The following GRM7 variants were observed in gnomAD, a reference collection of about 807,000 sequenced individuals.
GRM7 encodes metabotropic glutamate receptor 7.
In GRM7, 35 loss-of-function variants were observed where a neutral mutation model predicts 84.5. The observed-to-expected ratio is 0.41, with a 90% CI of 0.32 to 0.55. The LOEUF (loss-of-function observed/expected upper bound fraction) is 0.55. Ranked by LOEUF, GRM7 falls within the 20% of genes least tolerant of loss-of-function variation. GRM7 has a pLI of 0.19. For missense variants in GRM7, 1,003 were observed against 1,194.6 expected (o/e 0.84, Z 2.36); for synonymous variants, 487 against 455.1 (o/e 1.07, Z -0.89).
At chr3:6,903,691 C>T (rs971872975) in intron 1 of GRM7, among the ~76,000 whole-genome samples, 6 of 152,118 alleles carry the variant, frequency 3.9e-5, no homozygotes, top group East Asian at 1.9e-4. Context: ...AAGTTGTATA[C>T]GTACTTTAAT....
chr3:7,562,812 A>G (rs1694087213), intron 7 of GRM7, among the ~76,000 whole-genome samples: 1 of 152,132 alleles, frequency 6.6e-6, no homozygotes, highest in Non-Finnish European at 1.5e-5. Flanking sequence ...CAGTACACTA[A>G]TACGCATCCT....
chr3:7,048,977 C>CA (rs1696894916), intron 1 of GRM7, among the ~76,000 whole-genome samples: 1 of 151,900 alleles, frequency 6.6e-6, no homozygotes, highest in South Asian at 2.1e-4. Context: ...AAAAATAAAG[C>CA]ATTTCTAGAA....
intron 2 of GRM7, among the ~76,000 whole-genome samples, chr3:7,192,719 CT>C (rs780774792): frequency 7.9e-5 from 12 of 152,058 alleles, no homozygotes; most frequent in Non-Finnish European, 1.2e-4. Flanking sequence ...TCTCCTTTAA[CT>C]TAGAATATTC....
intron 7 of GRM7, among the ~76,000 whole-genome samples, chr3:7,544,133 G>A (rs540928749): frequency 8.5e-5 from 13 of 152,302 alleles, no homozygotes; most frequent in Non-Finnish European, 1.9e-4. Flanking sequence ...ACGCTTAGGC[G>A]TAAATCATGT....
intron 9 of GRM7, among the ~76,000 whole-genome samples, chr3:7,722,095 C>A (rs1373160766): frequency 6.6e-6 from 1 of 152,192 alleles, no homozygotes; most frequent in Non-Finnish European, 1.5e-5. Context: ...TGTCAAAAAA[C>A]CAAACAACGA....
intron 7 of GRM7, among the ~76,000 whole-genome samples, chr3:7,573,864 T>A (rs1279525407): frequency 6.6e-6 from 1 of 152,208 alleles, no homozygotes; most frequent in African/African-American, 2.4e-5. Context: ...TTGGTGAATT[T>A]TTCTGACACA....
chr3:7,098,984 A>C (rs1261580978), intron 1 of GRM7, among the ~76,000 whole-genome samples: 1 of 151,784 alleles, frequency 6.6e-6, no homozygotes, highest in Non-Finnish European at 1.5e-5. Context: ...TTCAGTACTT[A>C]TGAAGTTTTA....
intron 8 of GRM7, among the ~76,000 whole-genome samples, chr3:7,612,026 T>G (rs188997025): frequency 6.6e-6 from 1 of 152,180 alleles, no homozygotes. Context: ...TCCTTTAACC[T>G]CTCAGATTTC....
chr3:7,443,480 T>C (rs1383883976), intron 5 of GRM7, among the ~76,000 whole-genome samples: 1 of 152,150 alleles, frequency 6.6e-6, no homozygotes, highest in African/African-American at 2.4e-5. Flanking sequence ...TTATTTGATA[T>C]GTTTCTCAAT....
In GRM7 at chr3:7,151,484, G is replaced by A. The variant is rs1694287232; in HGVS notation, c.736+4816G>A. On this transcript the variant is annotated intron_variant, in intron 2 of 9. Transcript: ENST00000357716. The surrounding 1 kb of genome is among the most constrained non-coding windows in gnomAD (Gnocchi z 4.5). ...TGGATTTTCCTACTATGGGATTTCA[G>A]AGCACTGTGTGCCTCTCTCCTTCAC... 6.6e-6 allele frequency among the ~76,000 whole-genome samples: 1 copy of A among 152,060 alleles called. No homozygotes were observed. The highest frequency in any genetic ancestry group is 6.6e-5 in the Admixed American group (1 of 15,262).
chr3:6,910,413 C>G (rs1481970515), intron 1 of GRM7, among the ~76,000 whole-genome samples: 1 of 152,120 alleles, frequency 6.6e-6, no homozygotes, highest in African/African-American at 2.4e-5. Flanking sequence ...ATGTCTCTTC[C>G]ATCTTGGAAT....
intron 8 of GRM7, among the ~76,000 whole-genome samples, chr3:7,655,716 G>A (rs1349783659): frequency 6.6e-6 from 1 of 152,058 alleles, no homozygotes; most frequent in Non-Finnish European, 1.5e-5. Flanking sequence ...AGACGCTGAG[G>A]GTTTCATAAC....
intron 2 of GRM7, among the ~76,000 whole-genome samples, chr3:7,250,592 T>G (rs1317950518): frequency 7.5e-6 from 1 of 132,902 alleles, no homozygotes; most frequent in Non-Finnish European, 1.6e-5. Flanking sequence ...GGCGTGATCT[T>G]GGCTCACTGT....
chr3:7,680,286 GACCCAAACAGTAAGTA>G lies in GRM7; in HGVS notation c.2692_2698+9del. 1 of 1,614,116 alleles carries G rather than the reference GACCCAAACAGTAAGTA, an allele frequency of 6.2e-7. No individual in the cohort carries two copies. The highest frequency in any genetic ancestry group is 8.5e-7 in the Non-Finnish European group (1 of 1,179,992). ...AAAGACCGAGCTCTGTGAAAACGTA[GACCCAAACAGTAAGTA>G]ACTCTCCGTTTCTTTCATCTTCCCA... On this transcript the variant is annotated splice_donor_variant and splice_donor_5th_base_variant and coding_sequence_variant and intron_variant, in exon 9 of 10. Transcript: ENST00000357716. LOFTEE classifies it high-confidence loss of function.
chr3:7,661,367 G>C (rs959386771), intron 8 of GRM7, among the ~76,000 whole-genome samples: 1 of 152,110 alleles, frequency 6.6e-6, no homozygotes, highest in Non-Finnish European at 1.5e-5. Context: ...CCAGTCGTTA[G>C]AAAAACAAAA....
Position 7,378,827 on chromosome 3 carries a change from T to C in GRM7, c.1034-36196T>C, listed in dbSNP as rs542680996. ...CATTTGATTCATCTATCTTTTAAAA[T>C]TTTCTTTAAGCGTTTGAAAGAGAAT... is the stretch of plus-strand genomic sequence containing the variant. On this transcript the variant is annotated intron_variant, in intron 4 of 9. Coordinates refer to ENST00000357716, the MANE Select transcript of GRM7 (RefSeq NM_000844.4). Among the ~76,000 whole-genome samples, 14 of 152,298 alleles carry C rather than the reference T, an allele frequency of 9.2e-5. No individual in the cohort carries two copies. The South Asian group carries it at 2.3e-3, about 25-fold the overall frequency.
chr3:7,629,367 T>C (rs1234004093), intron 8 of GRM7, among the ~76,000 whole-genome samples: 2 of 152,142 alleles, frequency 1.3e-5, no homozygotes, highest in Admixed American at 6.5e-5. Flanking sequence ...AAGCTCAAAA[T>C]GAGGATGCCA....
chr3:7,278,706 A>G (rs2124991451), intron 2 of GRM7, among the ~76,000 whole-genome samples: 1 of 152,286 alleles, frequency 6.6e-6, no homozygotes, highest in South Asian at 2.1e-4. Flanking sequence ...CAAGCATATG[A>G]GCAAGTTCAG....
rs551678353 is a variant in GRM7, at chr3:7,538,213, G to T, written c.1516-40209G>T. Among the ~76,000 whole-genome samples, 142 of 152,238 alleles carry T rather than the reference G, an allele frequency of 9.3e-4. 3 individuals are homozygous for T. In the South Asian group the frequency reaches 0.028, roughly 30 times the overall value. ...CAACCTCTACCTCCCAGATTCAAGTGATTCTCCTGCCTCAGCCTCCTGAGA... is the reference window on the plus strand; with the variant it reads ...CAACCTCTACCTCCCAGATTCAAGTTATTCTCCTGCCTCAGCCTCCTGAGA... On this transcript the variant is annotated intron_variant, in intron 7 of 9. Coordinates refer to ENST00000357716, the MANE Select transcript of GRM7 (RefSeq NM_000844.4).
Sources: allele counts gnomAD v4.1 joint callset (sites outside exome capture counted in the v4.1 genomes callset), GRCh38; gene constraint gnomAD v4.1.1; non-coding constraint Gnocchi (gnomAD v3.1); transcripts MANE v1.5; gene names NCBI Gene and HGNC (gene_info 2026-07-23, HGNC 2026-07-21).